ARHGAP20: variants seen among roughly 807,000 people sequenced by gnomAD.
ARHGAP20 encodes Rho GTPase activating protein 20, also known as rho GTPase-activating protein 20.
In ARHGAP20, 34 loss-of-function variants were observed where a neutral mutation model predicts 73.7. That is an observed-to-expected ratio of 0.46 (90% CI 0.35 to 0.61). The LOEUF (loss-of-function observed/expected upper bound fraction) is 0.61. Among genes scored for constraint, ARHGAP20 ranks in the 20% least tolerant of loss-of-function variants. The pLI, the probability that ARHGAP20 is intolerant of heterozygous loss-of-function variation, is 0.00. For synonymous variants in ARHGAP20, 523 were observed against 518.2 expected (o/e 1.01, Z -0.13); for missense variants, 1,314 against 1,420.9 (o/e 0.92, Z 1.21).
intron 1 of ARHGAP20, among the ~76,000 whole-genome samples, chr11:110,707,325 C>T (rs1461841225): frequency 4.6e-5 from 7 of 152,012 alleles, no homozygotes; most frequent in Admixed American, 1.3e-4. Context: ...AAAACTATTC[C>T]GTGAAAATGT....
chr11:110,637,948 G>A (rs1269860140), intron 2 of ARHGAP20, among the ~76,000 whole-genome samples: 1 of 152,084 alleles, frequency 6.6e-6, no homozygotes, highest in Admixed American at 6.6e-5. Context: ...ATAAAGGCTT[G>A]AGAAAGATTA....
intron 1 of ARHGAP20, among the ~76,000 whole-genome samples, chr11:110,710,141 G>A (rs7927119): frequency 0.3 from 45,915 of 152,064 alleles, 7,701 homozygotes; most frequent in African/African-American, 0.46. Context: ...ATATAGGGAT[G>A]TTGCAAACAG....
At chr11:110,636,412 GC>G (rs1306445042) in intron 2 of ARHGAP20, among the ~76,000 whole-genome samples, 2 of 152,060 alleles carry the variant, frequency 1.3e-5, no homozygotes, top group African/African-American at 4.8e-5. Flanking sequence ...GTTGGCCTAG[GC>G]CAAAGATTAA....
chr11:110,676,821 T>G (rs1032108638), intron 2 of ARHGAP20, among the ~76,000 whole-genome samples: 1 of 152,054 alleles, frequency 6.6e-6, no homozygotes, highest in African/African-American at 2.4e-5. Flanking sequence ...AAATAAGTTT[T>G]TTTTTTAAAA....
intron 2 of ARHGAP20, among the ~76,000 whole-genome samples, chr11:110,671,021 G>A (rs1949816758): frequency 6.6e-6 from 1 of 152,022 alleles, no homozygotes; most frequent in African/African-American, 2.4e-5. Flanking sequence ...AATATAGTAT[G>A]ACCTCTAGTC....
chr11:110,685,936 C>CG (rs151023211), intron 2 of ARHGAP20, among the ~76,000 whole-genome samples: 3,609 of 152,168 alleles, frequency 0.024, 153 homozygotes, highest in African/African-American at 0.083. Flanking sequence ...GGGAAGGCTA[C>CG]GAGAATTTTG....
chr11:110,597,634 CTT>C (rs1203856918), intron 9 of ARHGAP20, among the ~76,000 whole-genome samples: 2 of 152,092 alleles, frequency 1.3e-5, no homozygotes, highest in African/African-American at 4.8e-5. Flanking sequence ...AAAATAAAAA[CTT>C]ATTTGATTTT....
At position 110,578,558 on chromosome 11, in the gene ARHGAP20, T is replaced by C. The variant is rs1000648986; in HGVS notation, c.*812A>G. ...CGCTGTCAGGAGGTCACCTTCTAAA[T>C]AGAAGAAGTTGCATTTCTGAAGAAT... On this transcript the variant is annotated 3_prime_UTR_variant, in exon 15 of 15. Coordinates refer to ENST00000683387, the MANE Select transcript of ARHGAP20 (RefSeq NM_001384657.1). The C allele has an allele frequency of 1.4e-5, 14 of 985,316 alleles. No homozygotes were observed. The highest frequency in any genetic ancestry group is 3.5e-5 in the African/African-American group (2 of 57,252). 61.0% of individuals were successfully genotyped at this position (985,316 alleles called of 1,614,324 possible).
intron 7 of ARHGAP20, 58 bp from the exon 8 acceptor site, chr11:110,609,108 AG>A (rs1948304934): frequency 1.3e-6 from 2 of 1,519,542 alleles, no homozygotes; most frequent in South Asian, 2.3e-5. Flanking sequence ...TACTTGAATG[AG>A]GACACATTTT....
intron 11 of ARHGAP20, among the ~76,000 whole-genome samples, chr11:110,590,339 A>C (rs1050163567): frequency 9.9e-5 from 15 of 152,164 alleles, no homozygotes; most frequent in Admixed American, 8.5e-4. Context: ...GTTTTGGTAT[A>C]CGTGTGTTTT....
rs756012264 is a variant in ARHGAP20 at position 110,586,350 on chromosome 11, T to C, written c.1306-25A>G. On this transcript the variant is annotated intron_variant, in intron 11 of 14. Transcript: ENST00000683387. ...CCTTAAATAGATGGAAAAACAAATA[T>C]TTCAAATAATTATCCTCATGCCAAA... is the stretch of plus-strand genomic sequence containing the variant. The C allele has an allele frequency of 1.9e-5, 27 of 1,396,818 alleles. No homozygotes were observed. The East Asian group carries it at 6.1e-4, about 31-fold the overall frequency. The allele number at this position is 1,396,818 out of a possible 1,614,324, so 86.5% of individuals were successfully genotyped here.
chr11:110,697,809 T>A (rs1010323303), intron 1 of ARHGAP20, among the ~76,000 whole-genome samples: 5 of 151,936 alleles, frequency 3.3e-5, no homozygotes, highest in Admixed American at 1.3e-4. Context: ...AGGACCATGC[T>A]GTTTTAGTTG....
chr11:110,619,377 G>A (rs1948569470), intron 4 of ARHGAP20, among the ~76,000 whole-genome samples: 1 of 150,418 alleles, frequency 6.6e-6, no homozygotes, highest in Non-Finnish European at 1.5e-5. Context: ...TATATGTAGA[G>A]TATATGCAGT....
intron 2 of ARHGAP20, among the ~76,000 whole-genome samples, chr11:110,635,136 G>C (rs1948938605): frequency 6.6e-6 from 1 of 151,974 alleles, no homozygotes; most frequent in African/African-American, 2.4e-5. Flanking sequence ...CACAGTGTCT[G>C]ATCTCCCCTG....
At chr11:110,625,682 T>A (rs1948728948) in intron 3 of ARHGAP20, among the ~76,000 whole-genome samples, 1 of 150,564 alleles carries the variant, frequency 6.6e-6, no homozygotes, top group Non-Finnish European at 1.5e-5. Context: ...ACCTAATCCC[T>A]GTAGACTCCT....
intron 1 of ARHGAP20, among the ~76,000 whole-genome samples, chr11:110,694,643 T>C (rs1372883490): frequency 2.6e-5 from 4 of 151,722 alleles, no homozygotes; most frequent in Admixed American, 6.6e-5. Flanking sequence ...TGTTCCTTCA[T>C]ATATGATGCC....
intron 9 of ARHGAP20, among the ~76,000 whole-genome samples, chr11:110,601,749 C>A (rs1260031738): frequency 6.6e-6 from 1 of 151,930 alleles, no homozygotes; most frequent in African/African-American, 2.4e-5. Flanking sequence ...TTTGGGAGGC[C>A]GAGGCGGGTG....
At chr11:110,696,202 GTTTC>G (rs2135129434) in intron 1 of ARHGAP20, among the ~76,000 whole-genome samples, 1 of 151,634 alleles carries the variant, frequency 6.6e-6, no homozygotes, top group South Asian at 2.1e-4. Flanking sequence ...GGGGTTCAGT[GTTTC>G]TTTCTGAGGT....
chr11:110,636,809 T>C (rs1277330758), intron 2 of ARHGAP20, among the ~76,000 whole-genome samples: 1 of 152,068 alleles, frequency 6.6e-6, no homozygotes, highest in Admixed American at 6.6e-5. Flanking sequence ...TTCTCAATTT[T>C]ATGACTCTGA....
Sources: gnomAD v4.1 joint callset for allele counts (sites outside exome capture counted in the v4.1 genomes callset) on GRCh38, gnomAD v4.1.1 for gene constraint, MANE v1.5 for transcripts, NCBI Gene and HGNC (gene_info 2026-07-23, HGNC 2026-07-21) for gene names.